KDM4B: variants seen among roughly 807,000 people sequenced by gnomAD.
The protein encoded by KDM4B is lysine demethylase 4B.
KDM4B carries 32 observed loss-of-function variants against 125.2 expected under a neutral mutation model. The observed-to-expected ratio is 0.26, with a 90% CI of 0.19 to 0.34. The LOEUF is 0.34. Ranked by LOEUF, KDM4B falls within the 10% of genes least tolerant of loss-of-function variation. The probability of loss-of-function intolerance (pLI) is 1.00; values close to 1 mark genes in which losing one functional copy is unlikely to be tolerated. For missense variants in KDM4B, 1,190 were observed against 1,577.7 expected (o/e 0.75, Z 4.16); for synonymous variants, 721 against 677.9 (o/e 1.06, Z -0.99).
intron 6 of KDM4B, among the ~76,000 whole-genome samples, chr19:5,054,328 G>C (rs1019613667): frequency 2.0e-5 from 3 of 152,174 alleles, no homozygotes; most frequent in Non-Finnish European, 4.4e-5. Context: ...TGATGCTCCT[G>C]CCTCAGCCTC....
chr19:5,148,709 C>T (rs770090068), intron 21 of KDM4B, among the ~76,000 whole-genome samples: 3 of 152,208 alleles, frequency 2.0e-5, no homozygotes, highest in African/African-American at 4.8e-5. Context: ...CTCCAAAACC[C>T]GCTGCTGCCC....
intron 10 of KDM4B, chr19:5,119,294 CCT>C (rs2039314884): frequency 9.6e-7 from 1 of 1,037,088 alleles, no homozygotes; most frequent in Admixed American, 2.1e-5. Flanking sequence ...GCTCACACTC[CCT>C]GTGTCTCTGT....
chr19:5,041,142 G>A lies in KDM4B; in HGVS notation c.323G>A (p.Cys108Tyr). 1 of 1,609,266 alleles carries A rather than the reference G, an allele frequency of 6.2e-7. No individual in the cohort carries two copies. The highest frequency in any genetic ancestry group is 8.5e-7 in the Non-Finnish European group (1 of 1,176,266). The change falls in exon 5 of 23, where the codon TGT (cysteine) becomes TAT (tyrosine). Residue 108 changes from cysteine to tyrosine, a missense_variant. Around this residue, in one of 7 missense-constraint regions of KDM4B, gnomAD observed 139 missense variants for 248.3 expected, o/e 0.56. Transcript: ENST00000159111. The part of the protein sequence containing the change: ...YRRLANSEKY[C>Y]TPRHQDFDDL... ...TTGGGGTGTTTGTTCACCAGGTACTGTACCCCGCGGCACCAGGACTTTGAT... is the reference window on the plus strand; with the variant it reads ...TTGGGGTGTTTGTTCACCAGGTACTATACCCCGCGGCACCAGGACTTTGAT...
chr19:5,144,377 T>G lies in KDM4B; in HGVS notation c.2866T>G (p.Ser956Ala). ...TCYEVNFDDG[S>A]YSDNLYPESI... Reference sequence around the variant, plus strand: ...CTACGAAGTGAACTTCGACGATGGCTCCTACAGCGACAACCTGTACCCTGA... The same window carrying G: ...CTACGAAGTGAACTTCGACGATGGCGCCTACAGCGACAACCTGTACCCTGA... The change falls in exon 20 of 23, where the codon TCC (serine) becomes GCC (alanine). Residue 956 changes from serine (S) to alanine (A), a missense_variant. Coordinates refer to ENST00000159111, the MANE Select transcript of KDM4B (RefSeq NM_015015.3). 7.7e-7 allele frequency: 1 copy of G among 1,304,502 alleles called. No individual in the cohort carries two copies. The allele number at this position is 1,304,502 out of a possible 1,614,324, so 80.8% of individuals were successfully genotyped here.
At chr19:5,008,792 A>G (rs2035640508) in intron 1 of KDM4B, among the ~76,000 whole-genome samples, 1 of 149,804 alleles carries the variant, frequency 6.7e-6, no homozygotes, top group South Asian at 2.1e-4. Context: ...TAGTAGAGAC[A>G]GGTTTTCACC....
At chr19:5,108,818 CG>C (rs2039084310) in intron 9 of KDM4B, among the ~76,000 whole-genome samples, 1 of 152,100 alleles carries the variant, frequency 6.6e-6, no homozygotes, top group African/African-American at 2.4e-5. Flanking sequence ...TGGCAGAGGT[CG>C]GGGCAGCCTG....
intron 2 of KDM4B, among the ~76,000 whole-genome samples, chr19:5,021,007 C>T (rs552045541): frequency 6.6e-5 from 10 of 152,034 alleles, no homozygotes; most frequent in African/African-American, 9.6e-5. Flanking sequence ...ATTAGCCGGA[C>T]GTGGTGGCGT....
intron 21 of KDM4B, among the ~76,000 whole-genome samples, chr19:5,145,851 C>G (rs1025505030): frequency 6.6e-5 from 10 of 152,206 alleles, no homozygotes; most frequent in Non-Finnish European, 1.2e-4. Flanking sequence ...CCTTAGCTCG[C>G]ACCCCGAGCC....
At chr19:5,095,186 G>A (rs1205478283) in intron 9 of KDM4B, among the ~76,000 whole-genome samples, 3 of 152,206 alleles carry the variant, frequency 2.0e-5, no homozygotes, top group African/African-American at 7.2e-5. Context: ...CCGCCCGCTG[G>A]TGGCTGGCAT....
rs1246985055 is a variant in KDM4B at position 5,041,269 on chromosome 19, G to A, written c.432+18G>A. 6.3e-7 allele frequency: 1 copy of A among 1,578,842 alleles called. No homozygotes were observed. The highest frequency in any genetic ancestry group is 1.7e-5 in the Admixed American group (1 of 59,766). On this transcript the variant is annotated intron_variant, in intron 5 of 22. Transcript: ENST00000159111. ...ATGATGACGTAAGTATGAGGCTCCG[G>A]GGAAGAACAGGGACCAGCTTCCTGG...
chr19:5,093,442 A>G (rs1307485639), intron 9 of KDM4B, among the ~76,000 whole-genome samples: 1 of 152,164 alleles, frequency 6.6e-6, no homozygotes, highest in Non-Finnish European at 1.5e-5. Flanking sequence ...GCCGAAGCCC[A>G]GGGAGCCCTG....
rs73540694 is a variant in KDM4B, at chr19:5,013,957, G to A, written c.-108-2300G>A. 5.0e-3 allele frequency among the ~76,000 whole-genome samples: 769 copies of A among 152,340 alleles called. 8 individuals carry two copies. Among genetic ancestry groups the A allele is most frequent in the African/African-American group, 0.018 (738 of 41,584 alleles). The stretch of plus-strand genomic sequence containing the variant: ...TGCAGGGCACTTGGCCGCTCATCTG[G>A]CACAGGGGAAGAGGCGCAGCCCGTG... On this transcript the variant is annotated intron_variant, in intron 1 of 22. Coordinates refer to ENST00000159111, the MANE Select transcript of KDM4B (RefSeq NM_015015.3).
At chr19:5,024,969 C>G (rs2036234150) in intron 2 of KDM4B, among the ~76,000 whole-genome samples, 1 of 152,192 alleles carries the variant, frequency 6.6e-6, no homozygotes, top group African/African-American at 2.4e-5. Context: ...AACAAAAAGG[C>G]TTTATTGAGA....
intron 1 of KDM4B, among the ~76,000 whole-genome samples, chr19:4,981,336 C>CCG (rs1468800674): frequency 6.6e-6 from 1 of 152,134 alleles, no homozygotes; most frequent in Non-Finnish European, 1.5e-5. Context: ...TGGTGTCACC[C>CCG]CGCTGTCTGG....
intron 9 of KDM4B, among the ~76,000 whole-genome samples, chr19:5,084,399 A>T (rs2038406030): frequency 7.0e-6 from 1 of 142,842 alleles, no homozygotes; most frequent in Non-Finnish European, 1.5e-5. Flanking sequence ...ATATAAAATA[A>T]ATTATATAAA....
intron 1 of KDM4B, among the ~76,000 whole-genome samples, chr19:5,004,682 G>A (rs2035501535): frequency 6.6e-6 from 1 of 152,108 alleles, no homozygotes; most frequent in Admixed American, 6.5e-5. Context: ...GGGAGTCCCC[G>A]TACCCCCGTG....
At position 5,131,329 on chromosome 19, in the gene KDM4B, G is replaced by T. The variant is rs34497540; in HGVS notation, c.1569G>T (p.Arg523=). 6.2e-7 allele frequency: 1 copy of T among 1,612,262 alleles called. No homozygotes were observed. Among genetic ancestry groups the T allele is most frequent in the East Asian group, 2.2e-5 (1 of 44,736 alleles). The stretch of plus-strand genomic sequence containing the variant: ...GTGAGGAGCTAGAGGCCAAGCCTCG[G>T]CCCATCATCCCCATGCTGTACGTGG... ...VPSEELEAKP[R]PIIPMLYVVP... Residue 523 remains arginine, a synonymous_variant, in exon 12 of 23, where the codon CGG becomes CGT. Transcript: ENST00000159111.
intron 10 of KDM4B, chr19:5,119,313 G>C (rs2039315215): frequency 3.4e-6 from 3 of 889,272 alleles, no homozygotes; most frequent in Non-Finnish European, 5.2e-6. Flanking sequence ...CTGTCCCGTG[G>C]CACACGCGGC....
chr19:4,972,922 T>C (rs1247168295), intron 1 of KDM4B, among the ~76,000 whole-genome samples: 4 of 152,178 alleles, frequency 2.6e-5, no homozygotes, highest in Admixed American at 2.6e-4. Context: ...TGTGGGGTCT[T>C]CTGGGCTGCT....
Sources: allele counts gnomAD v4.1 joint callset (sites outside exome capture counted in the v4.1 genomes callset), GRCh38; gene constraint gnomAD v4.1.1; regional missense constraint gnomAD v4.1.1; transcripts MANE v1.5; gene names NCBI Gene and HGNC (gene_info 2026-07-23, HGNC 2026-07-21).